Variants in PXK observed in about 807,000 individuals in gnomAD.
PXK encodes the protein PX domain containing serine/threonine kinase like, also known as PX domain-containing protein kinase-like protein.
A neutral mutation model predicts 84.7 loss-of-function variants in PXK; 35 were observed. That is an observed-to-expected ratio of 0.41 (90% CI 0.32 to 0.55). PXK has a LOEUF of 0.55. Ranked by LOEUF, PXK falls within the 20% of genes least tolerant of loss-of-function variation. PXK has a pLI of 0.21. For synonymous variants in PXK, 253 were observed against 260.8 expected, an observed-to-expected ratio of 0.97 and a Z score of 0.29; for missense variants, 634 against 699.7, an observed-to-expected ratio of 0.91 and a Z score of 1.06.
intron 3 of PXK, among the ~76,000 whole-genome samples, chr3:58,372,321 C>T (rs571458794): frequency 1.8e-4 from 27 of 151,760 alleles, no homozygotes; most frequent in Admixed American, 3.3e-4. Context: ...CAGAAAAAAG[C>T]TGCTTTTTCT....
chr3:58,339,830 T>C (rs969627385), intron 1 of PXK, among the ~76,000 whole-genome samples: 13 of 152,092 alleles, frequency 8.5e-5, no homozygotes, highest in Non-Finnish European at 1.9e-4. Flanking sequence ...TTTTTCTTTT[T>C]TGAGATGGAG....
chr3:58,369,337 A>G (rs891650972), intron 2 of PXK, 94 bp from the exon 3 acceptor site: 5 of 949,124 alleles, frequency 5.3e-6, no homozygotes, highest in Non-Finnish European at 8.0e-6. Context: ...TGAGCTCTAG[A>G]GTGCCAATAT....
rs2098358768 is a variant in PXK at position 58,370,868 on chromosome 3, G to GCCAC, written c.201+1390_201+1391insCCAC. Reference sequence around the variant, plus strand: ...ACAAAAATTAGCTGGGTGTGGTGTGGGCGCCTGTAATCCCAGCTACTCAGG... The same window carrying GCCAC: ...ACAAAAATTAGCTGGGTGTGGTGTGGCCACGCGCCTGTAATCCCAGCTACTCAGG... On this transcript the variant is annotated intron_variant, in intron 3 of 17. Coordinates refer to ENST00000356151, the MANE Select transcript of PXK (RefSeq NM_017771.5). The surrounding 1 kb of genome is among the most constrained non-coding windows in gnomAD (Gnocchi z 4.2). Among the ~76,000 whole-genome samples the GCCAC allele has an allele frequency of 6.6e-6, 1 of 152,104 alleles. No individual in the cohort carries two copies. Among genetic ancestry groups the GCCAC allele is most frequent in the Non-Finnish European group, 1.5e-5 (1 of 68,022 alleles).
intron 1 of PXK, among the ~76,000 whole-genome samples, chr3:58,335,527 G>C (rs534532770): frequency 6.6e-6 from 1 of 152,308 alleles, no homozygotes; most frequent in Admixed American, 6.5e-5. Context: ...GTATGTAGAA[G>C]AGAAAGGCAC....
intron 1 of PXK, among the ~76,000 whole-genome samples, chr3:58,344,174 C>T (rs1559861761): frequency 6.6e-6 from 1 of 152,148 alleles, no homozygotes; most frequent in Non-Finnish European, 1.5e-5. Flanking sequence ...CCGAGCTCAT[C>T]CACATGGAGT....
Position 58,333,635 on chromosome 3 carries a change from T to A in PXK, c.102+545T>A, listed in dbSNP as rs1444007300. 1 of 456,682 alleles carries A rather than the reference T, an allele frequency of 2.2e-6. No homozygotes were observed. Among genetic ancestry groups the A allele is most frequent in the South Asian group, 1.5e-5 (1 of 64,576 alleles). The allele number at this position is 456,682 out of a possible 1,614,324, so 28.3% of individuals were successfully genotyped here. On this transcript the variant is annotated intron_variant, in intron 1 of 17. Transcript: ENST00000356151. This position sits in a 1 kb window ranked among gnomAD's most constrained non-coding sequence, Gnocchi z 5.4. The stretch of plus-strand genomic sequence containing the variant: ...CAGCCCCGTTTCCAGGTCAGCCGCT[T>A]GGCCCTGGTCCCGGGAAGTGGTGGG...
intron 1 of PXK, among the ~76,000 whole-genome samples, chr3:58,339,239 T>G (rs1343520591): frequency 1.5e-5 from 2 of 131,592 alleles, no homozygotes; most frequent in Admixed American, 1.4e-4. Context: ...TTTTTTTTTG[T>G]TTTTTTTTTT....
chr3:58,388,295 TC>T (rs2098583427), intron 4 of PXK, among the ~76,000 whole-genome samples: 1 of 152,204 alleles, frequency 6.6e-6, no homozygotes. Context: ...TTTCCCCTGT[TC>T]CTAAAACAAT....
chr3:58,422,564 C>T, intron 17 of PXK: 3 of 985,384 alleles, frequency 3.0e-6, no homozygotes, highest in Non-Finnish European at 3.6e-6. Flanking sequence ...AAATCCATGT[C>T]CATTTACTTG....
chr3:58,408,388 A>C (rs531354413), intron 13 of PXK, among the ~76,000 whole-genome samples: 2 of 152,232 alleles, frequency 1.3e-5, no homozygotes, highest in Non-Finnish European at 2.9e-5. Context: ...TACTTGAAAC[A>C]TATCATGTTT....
At chr3:58,342,855 C>T (rs1365555307) in intron 1 of PXK, among the ~76,000 whole-genome samples, 4 of 152,046 alleles carry the variant, frequency 2.6e-5, no homozygotes, top group East Asian at 1.9e-4. Context: ...TTGCCTGGCG[C>T]GTTTAAGTGT....
At chr3:58,388,530 A>G (rs2106746269) in intron 4 of PXK, among the ~76,000 whole-genome samples, 1 of 152,378 alleles carries the variant, frequency 6.6e-6, no homozygotes, top group East Asian at 1.9e-4. Context: ...AACATGAATT[A>G]TAGAAGAAGT....
Position 58,390,478 on chromosome 3 carries a change from A to G in PXK, c.389-104A>G. The stretch of plus-strand genomic sequence containing the variant: ...TTTTTTTTGGTAATTAAGTTTTTTA[A>G]AAAGGTCATAGACTATAGGGATTTC... On this transcript the variant is annotated intron_variant, in intron 4 of 17. Coordinates refer to ENST00000356151, the MANE Select transcript of PXK (RefSeq NM_017771.5). This position sits in a 1 kb window ranked among gnomAD's most constrained non-coding sequence, Gnocchi z 4.2. 1 of 662,770 alleles carries G rather than the reference A, an allele frequency of 1.5e-6. No homozygotes were observed. Among genetic ancestry groups the G allele is most frequent in the Non-Finnish European group, 2.3e-6 (1 of 443,370 alleles). The allele number at this position is 662,770 out of a possible 1,614,324, so 41.1% of individuals were successfully genotyped here.
intron 1 of PXK, among the ~76,000 whole-genome samples, chr3:58,341,759 A>G (rs1419458743): frequency 6.6e-6 from 1 of 150,546 alleles, no homozygotes; most frequent in Non-Finnish European, 1.5e-5. Context: ...GCTGGAGTGC[A>G]GCAGTGTGAT....
intron 17 of PXK, among the ~76,000 whole-genome samples, chr3:58,415,480 G>A (rs2060816000): frequency 6.6e-6 from 1 of 152,250 alleles, no homozygotes; most frequent in African/African-American, 2.4e-5. Context: ...AGGGCAAGGT[G>A]TGGGGGAAGG....
rs1402568023 is a variant in PXK, at chr3:58,426,047, A to AT, written c.*1088dup. On this transcript the variant is annotated 3_prime_UTR_variant, in exon 18 of 18. Coordinates refer to ENST00000356151, the MANE Select transcript of PXK (RefSeq NM_017771.5). ...AACGTGTTGTCTGTAGCTTGACAAGATATTTCAAATGAGAACTTTTTGTAG... is the reference window on the plus strand; with the variant it reads ...AACGTGTTGTCTGTAGCTTGACAAGATTATTTCAAATGAGAACTTTTTGTAG... 6.6e-6 allele frequency: 1 copy of AT among 152,210 alleles called. No individual in the cohort carries two copies. The allele number at this position is 152,210 out of a possible 1,614,324, so 9.4% of individuals were successfully genotyped here. A position where few individuals can be genotyped will look rare whatever the true frequency, so the allele number is the denominator to read the frequency against.
intron 2 of PXK, among the ~76,000 whole-genome samples, chr3:58,368,448 G>T (rs1375899615): frequency 6.6e-6 from 1 of 152,074 alleles, no homozygotes; most frequent in Non-Finnish European, 1.5e-5. Context: ...TCTGCCTCCC[G>T]AGTAGCTGAG....
intron 7 of PXK, among the ~76,000 whole-genome samples, chr3:58,394,791 C>T (rs1186197294): frequency 1.3e-5 from 2 of 152,208 alleles, no homozygotes; most frequent in Non-Finnish European, 1.5e-5. Context: ...TTTGTTCCTA[C>T]AGTTTATGTC....
rs1560173887 is a variant in PXK, at chr3:58,425,130, C to T, written c.*170C>T. On this transcript the variant is annotated 3_prime_UTR_variant, in exon 18 of 18. Transcript: ENST00000356151. ...TTTTCGAGAGAAATAATTCTTTAAG[C>T]AGAATAAAGTTAGGCTGGCATTGCT... is the stretch of plus-strand genomic sequence containing the variant. 3 of 1,057,796 alleles carry T rather than the reference C, an allele frequency of 2.8e-6. No homozygotes were observed. Among genetic ancestry groups the T allele is most frequent in the Non-Finnish European group, 4.0e-6 (3 of 746,946 alleles). The allele number at this position is 1,057,796 out of a possible 1,614,324, so 65.5% of individuals were successfully genotyped here.
Sources: gnomAD v4.1 joint callset for allele counts (sites outside exome capture counted in the v4.1 genomes callset) on GRCh38, gnomAD v4.1.1 for gene constraint, Gnocchi (gnomAD v3.1) non-coding constraint, MANE v1.5 for transcripts, NCBI Gene and HGNC (gene_info 2026-07-23, HGNC 2026-07-21) for gene names.